The following C5 variants were observed in gnomAD, a reference collection of about 807,000 sequenced individuals.
C5 encodes C3 and PZP-like alpha-2-macroglobulin domain-containing protein 4.
In C5, 140 loss-of-function variants were observed where a neutral mutation model predicts 218.8. That is an observed-to-expected ratio of 0.64 (90% CI 0.56 to 0.74). The LOEUF (loss-of-function observed/expected upper bound fraction) is 0.74, where lower values mean the gene tolerates loss of function less well. C5 is among the 30% of genes least tolerant of loss of function. The pLI, the probability that C5 is intolerant of heterozygous loss-of-function variation, is 0.00. For synonymous variants in C5, 614 were observed against 682.3 expected (o/e 0.90, Z 1.56); for missense variants, 1,700 against 1,969.6 (o/e 0.86, Z 2.59).
At chr9:120,998,446 T>G (rs1209097589) in intron 20 of C5, among the ~76,000 whole-genome samples, 1 of 152,242 alleles carries the variant, frequency 6.6e-6, no homozygotes, top group Non-Finnish European at 1.5e-5. Context: ...TACTTTTTCA[T>G]TTTCATCTTA....
In C5 at chr9:120,952,657, A is replaced by G; in HGVS notation, c.*82T>C. On this transcript the variant is annotated 3_prime_UTR_variant, in exon 41 of 41. Transcript: ENST00000223642. ...CAAATAAGACCAGCTATGAATGTTTAAAAAAAGAAGAAAACAAAAAAACGA... is the reference window on the plus strand; with the variant it reads ...CAAATAAGACCAGCTATGAATGTTTGAAAAAAGAAGAAAACAAAAAAACGA... The G allele has an allele frequency of 7.0e-7, 1 of 1,436,340 alleles. No individual in the cohort carries two copies. The highest frequency in any genetic ancestry group is 9.7e-7 in the Non-Finnish European group (1 of 1,030,176). 89.0% of individuals were successfully genotyped at this position (1,436,340 alleles called of 1,614,324 possible).
At position 121,034,888 on chromosome 9, in the gene C5, C is replaced by A; in HGVS notation, c.499G>T (p.Glu167Ter). The change falls in exon 5 of 41, where the codon GAA becomes TAA. Residue 167 changes from glutamate to a stop codon, truncating the protein, a stop_gained. Coordinates refer to ENST00000223642, the MANE Select transcript of C5 (RefSeq NM_001735.3). LOFTEE classifies it high-confidence loss of function. ...RETVLTFIDP[E>*]GSEVDMVEEI... ...TCTACCATGTCAACTTCTGATCCTT[C>A]AGGATCCTGTAAATAAAAACAAACA... is the stretch of plus-strand genomic sequence containing the variant. 6.4e-7 allele frequency: 1 copy of A among 1,566,076 alleles called. No individual in the cohort carries two copies.
intron 27 of C5, 21 bp downstream of exon 27, chr9:120,981,823 A>T: frequency 3.3e-6 from 5 of 1,530,898 alleles, no homozygotes; most frequent in Non-Finnish European, 4.5e-6. Flanking sequence ...TGGGTGTGAG[A>T]GAAAGAAAAC....
chr9:120,996,654 CA>C (rs2047118685), intron 21 of C5, among the ~76,000 whole-genome samples: 1 of 152,234 alleles, frequency 6.6e-6, no homozygotes, highest in Non-Finnish European at 1.5e-5. Flanking sequence ...AACACTGTCA[CA>C]CTGCTAGGAG....
Position 120,957,270 on chromosome 9 carries a change from C to T in C5, c.4762+15G>A, listed in dbSNP as rs369070128. Reference sequence around the variant, plus strand: ...GTTGCTGAATGAAGGAACGAATGAACGAATGAATTCTCACCAGTTTTGTAG... The same window carrying T: ...GTTGCTGAATGAAGGAACGAATGAATGAATGAATTCTCACCAGTTTTGTAG... On this transcript the variant is annotated intron_variant, in intron 39 of 40. Transcript: ENST00000223642. 43 of 1,569,944 alleles carry T rather than the reference C, an allele frequency of 2.7e-5. No homozygotes were observed. The highest frequency in any genetic ancestry group is 8.9e-5 in the South Asian group (8 of 90,112).
the C5 span, among the ~76,000 whole-genome samples, chr9:121,073,507 T>C: frequency 2.2e-4 from 32 of 142,304 alleles, no homozygotes; most frequent in Non-Finnish European, 3.8e-4. Context: ...TCAGGAAAAC[T>C]GGACTTTTTT....
intron 23 of C5, among the ~76,000 whole-genome samples, chr9:120,990,152 C>G (rs1339191612): frequency 6.6e-6 from 1 of 152,194 alleles, no homozygotes. Context: ...GCTGACATGA[C>G]TGTCTATAAT....
At position 121,017,746 on chromosome 9, in the gene C5, G is replaced by A; in HGVS notation, c.1613C>T (p.Ser538Phe). 1.2e-6 allele frequency: 2 copies of A among 1,612,280 alleles called. No individual in the cohort carries two copies. The highest frequency in any genetic ancestry group is 1.1e-5 in the South Asian group (1 of 91,034). ...IPVTQNMVPS[S>F]RLLVYYIVTG... ...GACGATGTAATAGACCAGAAGTCGGGATGAAGGAACCATGTTCTGTGTTAC... is the reference window on the plus strand; with the variant it reads ...GACGATGTAATAGACCAGAAGTCGGAATGAAGGAACCATGTTCTGTGTTAC... Residue 538 changes from serine to phenylalanine, a missense_variant, in exon 13 of 41, where the codon TCC (serine) becomes TTC (phenylalanine). By Grantham distance (155) the Ser-to-Phe change is radical. Coordinates refer to ENST00000223642, the MANE Select transcript of C5 (RefSeq NM_001735.3).
chr9:120,983,751 G>A (rs2047012620), intron 25 of C5, among the ~76,000 whole-genome samples: 1 of 151,932 alleles, frequency 6.6e-6, no homozygotes, highest in Non-Finnish European at 1.5e-5. Flanking sequence ...GGTAGAGGCT[G>A]CAGTAAGCTG....
intron 32 of C5, 73 bp from the exon 33 acceptor site, chr9:120,969,191 A>C (rs1181404388): frequency 2.5e-6 from 3 of 1,190,838 alleles, no homozygotes; most frequent in Non-Finnish European, 1.3e-6. Context: ...GGAACCTGTC[A>C]GAACAGAATC....
At chr9:121,025,326 A>T in intron 9 of C5, 128 bp downstream of exon 9, 1 of 1,079,994 alleles carries the variant, frequency 9.3e-7, no homozygotes, top group Non-Finnish European at 1.2e-6. Context: ...ATTATATTTA[A>T]CTATGAAAGA....
intron 22 of C5, 139 bp downstream of exon 22, chr9:120,996,101 G>C: frequency 5.3e-6 from 4 of 755,332 alleles, no homozygotes; most frequent in Non-Finnish European, 9.5e-6. Context: ...TTACAGGCAT[G>C]AGCCACTGTG....
At chr9:120,971,249 A>T (rs1166169794) in intron 31 of C5, among the ~76,000 whole-genome samples, 1 of 151,756 alleles carries the variant, frequency 6.6e-6, no homozygotes, top group Non-Finnish European at 1.5e-5. Context: ...TGAATAACAC[A>T]TAAATCCCCC....
In C5 at chr9:121,050,193, T is replaced by A; in HGVS notation, c.54A>T (p.Gly18=). The A allele has an allele frequency of 4.3e-6, 7 of 1,613,454 alleles. No homozygotes were observed. Among genetic ancestry groups the A allele is most frequent in the Non-Finnish European group, 5.9e-6 (7 of 1,179,436 alleles). The change falls in exon 1 of 41, where the codon GGA becomes GGT. Residue 18 remains glycine (G), a synonymous_variant. Coordinates refer to ENST00000223642, the MANE Select transcript of C5 (RefSeq NM_001735.3). The part of the protein sequence containing the change: ...CFLIFLGKTW[G]QEQTYVISAP... The stretch of plus-strand genomic sequence containing the variant: ...CTTGTTTTACTTACGTTTGCTCCTG[T>A]CCCCAGGTTTTCCCCAGGAAGATTA...
chr9:120,965,600 G>T (rs1034102705), intron 33 of C5, among the ~76,000 whole-genome samples: 1 of 152,034 alleles, frequency 6.6e-6, no homozygotes, highest in Non-Finnish European at 1.5e-5. Context: ...TGTAATATTT[G>T]CCACAATAAA....
chr9:121,055,358 G>C, the C5 span, among the ~76,000 whole-genome samples: 1 of 151,966 alleles, frequency 6.6e-6, no homozygotes, highest in African/African-American at 2.4e-5. Context: ...GTGCTGTCCT[G>C]GTCTTGGAGG....
intron 39 of C5, among the ~76,000 whole-genome samples, chr9:120,955,339 T>A (rs2131660795): frequency 6.6e-6 from 1 of 152,312 alleles, no homozygotes; most frequent in Admixed American, 6.5e-5. Context: ...GAAGAAATGA[T>A]ACTAATAAAA....
Position 121,039,391 on chromosome 9 carries a change from C to T in C5, c.422-1440G>A, listed in dbSNP as rs532342096. ...CAGTGGCTTACACCTGGAATCCCAG[C>T]ACTTTGGGAGGCCGAGGTAAGTGGA... On this transcript the variant is annotated intron_variant, in intron 3 of 40. Coordinates refer to ENST00000223642, the MANE Select transcript of C5 (RefSeq NM_001735.3). 3.3e-5 allele frequency among the ~76,000 whole-genome samples: 5 copies of T among 152,198 alleles called. 1 individual carries two copies. The East Asian group carries it at 5.8e-4, about 18-fold the overall frequency.
chr9:120,974,755 TAC>T, intron 30 of C5, 22 bp downstream of exon 30: 3 of 1,600,764 alleles, frequency 1.9e-6, no homozygotes, highest in Non-Finnish European at 2.6e-6. Context: ...AATTGTAAAA[TAC>T]TACAGAAAGT....
Sources: allele counts gnomAD v4.1 joint callset (sites outside exome capture counted in the v4.1 genomes callset), GRCh38; gene constraint gnomAD v4.1.1; transcripts MANE v1.5; gene names NCBI Gene and HGNC (gene_info 2026-07-23, HGNC 2026-07-21).